TLK2: variants seen among roughly 807,000 people sequenced by gnomAD.
The protein encoded by TLK2 is serine/threonine-protein kinase tousled-like 2.
A neutral mutation model predicts 117.3 loss-of-function variants in TLK2; 6 were observed. The ratio of observed to expected loss-of-function variants is 0.05; its 90% confidence interval spans 0.03 to 0.10. The LOEUF (loss-of-function observed/expected upper bound fraction) is 0.10, where lower values mean the gene tolerates loss of function less well. Among genes scored for constraint, TLK2 ranks in the 10% least tolerant of loss-of-function variants. The probability of loss-of-function intolerance (pLI) is 1.00; values close to 1 mark genes in which losing one functional copy is unlikely to be tolerated. For synonymous variants in TLK2, 257 were observed against 316.7 expected, an observed-to-expected ratio of 0.81 and a Z score of 2.00; for missense variants, 299 against 901.2, an observed-to-expected ratio of 0.33 and a Z score of 8.56.
chr17:62,484,557 C>T (rs1481308789), intron 2 of TLK2, among the ~76,000 whole-genome samples: 6 of 152,022 alleles, frequency 3.9e-5, no homozygotes, highest in East Asian at 2.0e-4. Flanking sequence ...CTCAGCCTCC[C>T]GAAGTGCTGG....
chr17:62,535,222 T>C (rs2430934), intron 6 of TLK2, among the ~76,000 whole-genome samples: 142,122 of 152,114 alleles, frequency 0.93, 67,161 homozygotes, highest in East Asian at 1. Context: ...TAACAGTGTG[T>C]GTATCCTTTT....
At chr17:62,557,632 T>G (rs1009926603) in intron 9 of TLK2, among the ~76,000 whole-genome samples, 9 of 152,156 alleles carry the variant, frequency 5.9e-5, no homozygotes, top group African/African-American at 2.2e-4. Context: ...CCATCGAAGA[T>G]TTATAATGAA....
chr17:62,480,727 A>ACT (rs2071542317), intron 1 of TLK2, among the ~76,000 whole-genome samples: 1 of 152,244 alleles, frequency 6.6e-6, no homozygotes, highest in African/African-American at 2.4e-5. Context: ...CTGAGTGGGA[A>ACT]ATAAATATCT....
chr17:62,553,234 ATAGT>A (rs2078609158), intron 8 of TLK2, among the ~76,000 whole-genome samples: 1 of 152,120 alleles, frequency 6.6e-6, no homozygotes, highest in Admixed American at 6.6e-5. Context: ...GTTCAGTTAG[ATAGT>A]TGAGCACTCA....
intron 19 of TLK2, among the ~76,000 whole-genome samples, chr17:62,603,021 G>A (rs1038492148): frequency 6.6e-6 from 1 of 152,138 alleles, no homozygotes; most frequent in African/African-American, 2.4e-5. Flanking sequence ...TGGGATGAGG[G>A]ATTTGCTTCA....
At chr17:62,509,055 G>A (rs1234980449) in intron 2 of TLK2, among the ~76,000 whole-genome samples, 1 of 152,172 alleles carries the variant, frequency 6.6e-6, no homozygotes, top group Non-Finnish European at 1.5e-5. Context: ...CTCTCTAGGT[G>A]TTGGTGATTT....
At chr17:62,603,879 A>T (rs1193796794) in intron 19 of TLK2, among the ~76,000 whole-genome samples, 1 of 152,210 alleles carries the variant, frequency 6.6e-6, no homozygotes, top group African/African-American at 2.4e-5. Context: ...TATCTTCAGT[A>T]TGTCAGATAA....
At position 62,512,213 on chromosome 17, in the gene TLK2, CTTTTTTTTTTT is replaced by C. The variant is rs35913164; in HGVS notation, c.82-8545_82-8535del. On this transcript the variant is annotated intron_variant, in intron 2 of 21. Coordinates refer to ENST00000346027, the MANE Select transcript of TLK2 (RefSeq NM_006852.6). Reference sequence around the variant, plus strand: ...ATTAGCCATCTTTACATCACCCCTCCTTTTTTTTTTTTTTTTTTTTTTTTTGAGATGGAGTT... The same window carrying C: ...ATTAGCCATCTTTACATCACCCCTCCTTTTTTTTTTTTTTGAGATGGAGTT... Among the ~76,000 whole-genome samples, 21 of 40,650 alleles carry C rather than the reference CTTTTTTTTTTT, an allele frequency of 5.2e-4. 1 individual carries two copies. Among genetic ancestry groups the C allele is most frequent in the South Asian group, 3.1e-3 (2 of 644 alleles). 26.7% of individuals were successfully genotyped at this position (40,650 alleles called of 152,430 possible). A position where few individuals can be genotyped will look rare whatever the true frequency, so the allele number is the denominator to read the frequency against.
chr17:62,586,046 A>T, intron 15 of TLK2, 89 bp from the exon 16 acceptor site: 1 of 965,912 alleles, frequency 1.0e-6, no homozygotes, highest in Non-Finnish European at 1.6e-6. Flanking sequence ...TTGGACTTTG[A>T]TTATGTTATA....
chr17:62,564,319 T>C (rs1427944567), intron 10 of TLK2, among the ~76,000 whole-genome samples: 1 of 152,034 alleles, frequency 6.6e-6, no homozygotes, highest in Non-Finnish European at 1.5e-5. Context: ...GGGCAAATCA[T>C]GAGGTCAGGA....
intron 2 of TLK2, among the ~76,000 whole-genome samples, chr17:62,494,978 C>G (rs1321104005): frequency 6.6e-6 from 1 of 151,988 alleles, no homozygotes; most frequent in African/African-American, 2.4e-5. Context: ...CCAGCCTGGC[C>G]AACATGGTGA....
At chr17:62,583,284 G>A (rs975129254) in intron 15 of TLK2, among the ~76,000 whole-genome samples, 1 of 151,896 alleles carries the variant, frequency 6.6e-6, no homozygotes, top group African/African-American at 2.4e-5. Flanking sequence ...TAGTAGAGAC[G>A]GGATTTCACT....
intron 2 of TLK2, among the ~76,000 whole-genome samples, chr17:62,518,639 G>C (rs534981268): frequency 6.6e-6 from 1 of 152,278 alleles, no homozygotes; most frequent in South Asian, 2.1e-4. Context: ...CTGGGAGGCA[G>C]GGGTTGCAGT....
chr17:62,568,431 CAAAAAAA>C, intron 11 of TLK2, among the ~76,000 whole-genome samples: 1 of 57,372 alleles, frequency 1.7e-5, no homozygotes, highest in South Asian at 5.2e-4. Flanking sequence ...GACCCTGTCT[CAAAAAAA>C]AAAAAAAAAA....
intron 6 of TLK2, among the ~76,000 whole-genome samples, 161 bp from the exon 7 acceptor site, chr17:62,536,009 C>G (rs2077088492): frequency 6.6e-6 from 1 of 152,110 alleles, no homozygotes; most frequent in Non-Finnish European, 1.5e-5. Context: ...GGTTATAATA[C>G]AATGATAATG....
intron 2 of TLK2, among the ~76,000 whole-genome samples, chr17:62,499,480 A>G (rs544734390): frequency 7.2e-5 from 11 of 152,144 alleles, no homozygotes; most frequent in Admixed American, 6.5e-5. Context: ...TTTACCTACT[A>G]ATCGTGCTCA....
intron 7 of TLK2, among the ~76,000 whole-genome samples, chr17:62,549,366 T>G: frequency 1.1e-5 from 1 of 90,424 alleles, no homozygotes; most frequent in South Asian, 4.1e-4. Context: ...GCCACTACAC[T>G]CCAGCCTAAG....
chr17:62,606,062 T>C, intron 19 of TLK2, 68 bp from the exon 20 acceptor site: 1 of 659,082 alleles, frequency 1.5e-6, no homozygotes, highest in African/African-American at 1.8e-5. Context: ...TTTTATTTTG[T>C]CTTTTTGTAC....
At chr17:62,499,943 G>T (rs1201681591) in intron 2 of TLK2, among the ~76,000 whole-genome samples, 2 of 151,934 alleles carry the variant, frequency 1.3e-5, no homozygotes, top group African/African-American at 4.8e-5. Context: ...TAAAAGATTA[G>T]AACAAAATTC....
Sources: allele counts gnomAD v4.1 joint callset (sites outside exome capture counted in the v4.1 genomes callset), GRCh38; gene constraint gnomAD v4.1.1; transcripts MANE v1.5; gene names NCBI Gene and HGNC (gene_info 2026-07-23, HGNC 2026-07-21).